Variants in DTWD2 observed in about 807,000 individuals in gnomAD.
The protein encoded by DTWD2 is DTW motif tRNA-uridine aminocarboxypropyltransferase 2.
Under a neutral mutation model 31.8 loss-of-function variants are expected in DTWD2, and 39 were observed. The observed-to-expected ratio is 1.22, with a 90% CI of 0.95 to 1.60. The LOEUF is 1.60. DTWD2 is among the 40% of genes most tolerant of loss of function. The pLI is 0.00. For missense variants in DTWD2, 515 were observed against 381.5 expected (o/e 1.35, Z -2.92); for synonymous variants, 180 against 142.8 (o/e 1.26, Z -1.86).
intron 4 of DTWD2, among the ~76,000 whole-genome samples, chr5:118,912,111 T>C (rs1312239188): frequency 6.6e-6 from 1 of 152,224 alleles, no homozygotes; most frequent in Non-Finnish European, 1.5e-5. Context: ...CACAGAGACA[T>C]AACGTAAGCT....
chr5:118,923,149 T>C (rs868342407), intron 4 of DTWD2, among the ~76,000 whole-genome samples: 20 of 152,304 alleles, frequency 1.3e-4, no homozygotes, highest in Admixed American at 5.9e-4. Context: ...TTATAAATTG[T>C]ACCTCATTCT....
chr5:118,896,138 A>G (rs1005624016), intron 4 of DTWD2, among the ~76,000 whole-genome samples: 1 of 152,184 alleles, frequency 6.6e-6, no homozygotes, highest in Non-Finnish European at 1.5e-5. Flanking sequence ...TGAAACAGCC[A>G]CTGACAGGAT....
At position 118,947,652 on chromosome 5, in the gene DTWD2, G is replaced by A. The variant is rs138987585; in HGVS notation, c.219-3003C>T. Among the ~76,000 whole-genome samples, 392 of 152,254 alleles carry A rather than the reference G, an allele frequency of 2.6e-3. 2 individuals carry two copies. Among genetic ancestry groups the A allele is most frequent in the African/African-American group, 8.5e-3 (355 of 41,546 alleles). On this transcript the variant is annotated intron_variant, in intron 1 of 5. Coordinates refer to ENST00000510708, the MANE Select transcript of DTWD2 (RefSeq NM_173666.4). ...GTTTTGGAAAAGACAGCATTCGAGC[G>A]GGAAAACAGGAATGCATGTTCTCAC...
chr5:118,888,055 A>C (rs940498987), intron 4 of DTWD2, among the ~76,000 whole-genome samples: 19 of 107,462 alleles, frequency 1.8e-4, no homozygotes, highest in African/African-American at 7.2e-4. Flanking sequence ...TAGCTATGAC[A>C]CACTTTCATC....
intron 4 of DTWD2, among the ~76,000 whole-genome samples, chr5:118,878,257 A>T (rs534512060): frequency 1.8e-4 from 27 of 152,350 alleles, no homozygotes; most frequent in African/African-American, 6.3e-4. Flanking sequence ...TCTGACTCTG[A>T]ACTATACTAC....
chr5:118,868,838 T>TAA (rs758949446), intron 4 of DTWD2, among the ~76,000 whole-genome samples: 3,074 of 107,734 alleles, frequency 0.029, 61 homozygotes, highest in Non-Finnish European at 0.042. Context: ...CCCTGTCTCT[T>TAA]AAAAAAAAAA....
At chr5:118,953,489 G>A (rs905480455) in intron 1 of DTWD2, among the ~76,000 whole-genome samples, 5 of 152,120 alleles carry the variant, frequency 3.3e-5, no homozygotes, top group Admixed American at 1.3e-4. Context: ...CTGTTACCCT[G>A]GCAACATGAT....
At chr5:118,890,972 A>G (rs1752965830) in intron 4 of DTWD2, among the ~76,000 whole-genome samples, 1 of 152,224 alleles carries the variant, frequency 6.6e-6, no homozygotes, top group African/African-American at 2.4e-5. Flanking sequence ...AGCAGATAGA[A>G]GAATAGAGCA....
At chr5:118,979,061 T>G (rs534235536) in intron 1 of DTWD2, among the ~76,000 whole-genome samples, 4 of 151,848 alleles carry the variant, frequency 2.6e-5, no homozygotes, top group African/African-American at 9.7e-5. Flanking sequence ...TCCCAGCACT[T>G]TGGGAGGCCA....
At chr5:118,915,530 A>G (rs1753555365) in intron 4 of DTWD2, among the ~76,000 whole-genome samples, 1 of 151,962 alleles carries the variant, frequency 6.6e-6, no homozygotes, top group African/African-American at 2.4e-5. Flanking sequence ...GCACACCACC[A>G]CACCTGGCTA....
At chr5:118,891,613 A>C (rs543916788) in intron 4 of DTWD2, among the ~76,000 whole-genome samples, 2 of 152,338 alleles carry the variant, frequency 1.3e-5, no homozygotes, top group South Asian at 2.1e-4. Context: ...GCAGTCTCAT[A>C]ACATAGCTCA....
chr5:118,909,297 C>T (rs1214104180), intron 4 of DTWD2, among the ~76,000 whole-genome samples: 2 of 152,208 alleles, frequency 1.3e-5, no homozygotes, highest in African/African-American at 2.4e-5. Flanking sequence ...CTTGGGGTCA[C>T]TGCAGATGCC....
At chr5:118,971,784 G>A (rs766860758) in intron 1 of DTWD2, among the ~76,000 whole-genome samples, 1 of 152,150 alleles carries the variant, frequency 6.6e-6, no homozygotes, top group Non-Finnish European at 1.5e-5. Flanking sequence ...TAGTCTCTCA[G>A]ACCACAGTGC....
chr5:118,841,066 C>A lies in DTWD2; in HGVS notation c.748G>T (p.Ala250Ser). ...TGCTGAAGTTGAAAGGAGCATAAAG[C>A]TTGAAGAGGGCGAAGCAAAGTCTGT... ...IQETLLRPLQ[A>S]LCSFQLQHGA... The change falls in exon 6 of 6, where the codon GCT becomes TCT. Residue 250 changes from alanine to serine, a missense_variant. Transcript: ENST00000510708. 2 of 1,612,524 alleles carry A rather than the reference C, an allele frequency of 1.2e-6. No individual in the cohort carries two copies. The highest frequency in any genetic ancestry group is 8.5e-7 in the Non-Finnish European group (1 of 1,179,130).
intron 4 of DTWD2, among the ~76,000 whole-genome samples, chr5:118,888,357 G>A (rs186048382): frequency 7.5e-4 from 114 of 152,218 alleles, no homozygotes; most frequent in African/African-American, 2.6e-3. Context: ...TTATACAATA[G>A]GTACTCATGT....
chr5:118,935,782 C>T (rs921675539), intron 3 of DTWD2, among the ~76,000 whole-genome samples: 2 of 151,960 alleles, frequency 1.3e-5, no homozygotes, highest in African/African-American at 4.8e-5. Flanking sequence ...TAAACAAATC[C>T]CTAATCATAG....
intron 4 of DTWD2, among the ~76,000 whole-genome samples, chr5:118,887,964 C>G (rs966875507): frequency 6.6e-6 from 1 of 152,268 alleles, no homozygotes; most frequent in African/African-American, 2.4e-5. Flanking sequence ...TTAATGCAAC[C>G]CTTACTCACT....
rs752042279 is a variant in DTWD2 at position 118,928,620 on chromosome 5, AAGG to A, written c.511_513del (p.Pro171del). 2 of 1,603,100 alleles carry A rather than the reference AAGG, an allele frequency of 1.2e-6. No homozygotes were observed. The highest frequency in any genetic ancestry group is 1.7e-6 in the Non-Finnish European group (2 of 1,174,306). On this transcript the variant is annotated inframe_deletion, in exon 4 of 6. Transcript: ENST00000510708. ...GTACCATCAATGATGATGATTGTAGAAGGATAAACAGGAGAATCTAATATAAAT... is the reference window on the plus strand; with the variant it reads ...GTACCATCAATGATGATGATTGTAGAATAAACAGGAGAATCTAATATAAAT...
At chr5:118,917,960 C>CAA (rs1009438240) in intron 4 of DTWD2, among the ~76,000 whole-genome samples, 1 of 138,360 alleles carries the variant, frequency 7.2e-6, no homozygotes, top group African/African-American at 2.6e-5. Context: ...GCAAGACTCT[C>CAA]AAAAAAAAAA....
Sources: allele counts gnomAD v4.1 joint callset (sites outside exome capture counted in the v4.1 genomes callset), GRCh38; gene constraint gnomAD v4.1.1; transcripts MANE v1.5; gene names NCBI Gene and HGNC (gene_info 2026-07-23, HGNC 2026-07-21).